Variants in TOP1MT observed in about 807,000 individuals in gnomAD.
TOP1MT encodes DNA topoisomerase I, mitochondrial.
Under a neutral mutation model 73.9 loss-of-function variants are expected in TOP1MT, and 80 were observed. That is an observed-to-expected ratio of 1.08 (90% CI 0.90 to 1.30). TOP1MT has a LOEUF of 1.30. Among genes scored for constraint, TOP1MT ranks in the 50% most tolerant of loss-of-function variants. The probability of loss-of-function intolerance (pLI) is 0.00; values close to 1 mark genes in which losing one functional copy is unlikely to be tolerated. For missense variants in TOP1MT, 815 were observed against 808.0 expected, an observed-to-expected ratio of 1.01 and a Z score of -0.10; for synonymous variants, 338 against 326.4, an observed-to-expected ratio of 1.04 and a Z score of -0.38.
At chr8:143,353,557 T>G (rs553570334) in intron 1 of TOP1MT, among the ~76,000 whole-genome samples, 2 of 152,306 alleles carry the variant, frequency 1.3e-5, no homozygotes, top group African/African-American at 4.8e-5. Context: ...TGAGTTACAC[T>G]GAGTTACCAC....
upstream of TOP1MT, among the ~76,000 whole-genome samples, chr8:143,339,483 G>C (rs1817037238): frequency 6.6e-6 from 1 of 152,158 alleles, no homozygotes; most frequent in South Asian, 2.1e-4. Context: ...TCTGAAAAAT[G>C]GACATAGCAG....
chr8:143,336,710 C>T (rs150845398), upstream of TOP1MT, among the ~76,000 whole-genome samples: 60 of 152,278 alleles, frequency 3.9e-4, no homozygotes, highest in African/African-American at 1.3e-3. Context: ...TGGCCGAGCA[C>T]CGTAGCTCAT....
chr8:143,351,718 G>A (rs1817323714), intron 1 of TOP1MT, among the ~76,000 whole-genome samples: 1 of 152,178 alleles, frequency 6.6e-6, no homozygotes, highest in South Asian at 2.1e-4. Flanking sequence ...ATTGCCAGAA[G>A]AAATTAAAGA....
chr8:143,351,819 C>T (rs1182222533), intron 1 of TOP1MT, among the ~76,000 whole-genome samples: 1 of 152,194 alleles, frequency 6.6e-6, no homozygotes, highest in African/African-American at 2.4e-5. Context: ...TGTAGTGGCT[C>T]ATGCCTGTAA....
upstream of TOP1MT, among the ~76,000 whole-genome samples, chr8:143,336,183 G>T (rs954955788): frequency 2.0e-5 from 3 of 152,122 alleles, no homozygotes; most frequent in South Asian, 6.2e-4. Flanking sequence ...TTTACTTTTT[G>T]TAGAGATGGG....
upstream of TOP1MT, among the ~76,000 whole-genome samples, chr8:143,358,364 G>T (rs948665785): frequency 6.6e-6 from 1 of 152,058 alleles, no homozygotes; most frequent in African/African-American, 2.4e-5. Flanking sequence ...GTGACATCAC[G>T]CCCCTCCCAT....
At chr8:143,355,368 C>G (rs1417256927) in intron 1 of TOP1MT, 1 of 152,188 alleles carries the variant, frequency 6.6e-6, no homozygotes, top group African/African-American at 2.4e-5. Flanking sequence ...TGCCATCAAG[C>G]CACGGAGGTA....
At chr8:143,347,908 T>G (rs999919931), upstream of TOP1MT, among the ~76,000 whole-genome samples, 1 of 152,198 alleles carries the variant, frequency 6.6e-6, no homozygotes, top group African/African-American at 2.4e-5. Context: ...CAGGCTCCTC[T>G]GTGACGCAGC....
At chr8:143,330,808 T>C (rs552801277) in intron 2 of TOP1MT, among the ~76,000 whole-genome samples, 1 of 152,272 alleles carries the variant, frequency 6.6e-6, no homozygotes, top group South Asian at 2.1e-4. Flanking sequence ...TCAGCGCTCA[T>C]GTCAACCACG....
intron 8 of TOP1MT, among the ~76,000 whole-genome samples, chr8:143,319,388 G>A (rs1246553629): frequency 6.6e-6 from 1 of 151,912 alleles, no homozygotes; most frequent in East Asian, 1.9e-4. Context: ...TCCAACTCCT[G>A]GGCTCCAGCA....
upstream of TOP1MT, among the ~76,000 whole-genome samples, chr8:143,336,769 G>A (rs1354553039): frequency 6.6e-6 from 1 of 152,062 alleles, no homozygotes; most frequent in African/African-American, 2.4e-5. Context: ...GATCACTTGA[G>A]CCAAGGAGTT....
chr8:143,326,449 G>A lies in TOP1MT; in HGVS notation c.361-105C>T, dbSNP rs534661444. 1.6e-4 allele frequency: 234 copies of A among 1,487,874 alleles called. 1 individual carries two copies. The East Asian group carries it at 1.6e-3, about 10-fold the overall frequency. 92.2% of individuals were successfully genotyped at this position (1,487,874 alleles called of 1,614,324 possible). Reference sequence around the variant, plus strand: ...GAAACGCGCTCTCGCCATGTCCGACGGAGGCGTGTGTGCAATAGGCAGAAC... The same window carrying A: ...GAAACGCGCTCTCGCCATGTCCGACAGAGGCGTGTGTGCAATAGGCAGAAC... On this transcript the variant is annotated intron_variant, in intron 3 of 13. Coordinates refer to ENST00000329245, the MANE Select transcript of TOP1MT (RefSeq NM_052963.3).
rs562033784 is a variant in TOP1MT, at chr8:143,314,042, C to T, written c.1553+1685G>A. Among the ~76,000 whole-genome samples, 28 of 152,248 alleles carry T rather than the reference C, an allele frequency of 1.8e-4. 1 individual carries two copies. In the East Asian group the frequency reaches 2.9e-3, roughly 16 times the overall value. ...CCTGCAAAGAGCACCCACGGCCAGA[C>T]GCTCCTTCACACCCACTGGGCTCTA... On this transcript the variant is annotated intron_variant, in intron 12 of 13. Transcript: ENST00000329245.
intron 2 of TOP1MT, among the ~76,000 whole-genome samples, chr8:143,330,203 C>T (rs911149034): frequency 6.6e-6 from 1 of 152,224 alleles, no homozygotes; most frequent in Admixed American, 6.5e-5. Context: ...CTCCCACTGC[C>T]CCTCTGTGGA....
At chr8:143,337,929 G>A (rs561718731), upstream of TOP1MT, among the ~76,000 whole-genome samples, 1 of 152,140 alleles carries the variant, frequency 6.6e-6, no homozygotes, top group Non-Finnish European at 1.5e-5. Flanking sequence ...CTGATCACCG[G>A]TGCATGCGGC....
chr8:143,340,969 G>A (rs949017358), intron 2 of TOP1MT, among the ~76,000 whole-genome samples: 1 of 152,082 alleles, frequency 6.6e-6, no homozygotes, highest in African/African-American at 2.4e-5. Context: ...TGGGCACCAT[G>A]CCCTCACTGT....
chr8:143,332,404 AG>A (rs1816881909), intron 1 of TOP1MT: 2 of 1,049,106 alleles, frequency 1.9e-6, no homozygotes, highest in Non-Finnish European at 2.6e-6. Flanking sequence ...GAGCACCATC[AG>A]GATGGGGGAG....
At chr8:143,351,617 C>T (rs1037165417) in intron 1 of TOP1MT, among the ~76,000 whole-genome samples, 3 of 150,388 alleles carry the variant, frequency 2.0e-5, no homozygotes, top group Admixed American at 1.3e-4. Flanking sequence ...GAAAGTAAAA[C>T]AATTCCATTT....
chr8:143,330,681 A>G (rs1165586978), intron 2 of TOP1MT, among the ~76,000 whole-genome samples: 3 of 152,182 alleles, frequency 2.0e-5, no homozygotes, highest in Non-Finnish European at 4.4e-5. Flanking sequence ...TAAAATCAGC[A>G]GCACAAGAGC....
Sources: allele counts gnomAD v4.1 joint callset (sites outside exome capture counted in the v4.1 genomes callset), GRCh38; gene constraint gnomAD v4.1.1; transcripts MANE v1.5; gene names NCBI Gene and HGNC (gene_info 2026-07-23, HGNC 2026-07-21).